Variants in PIEZO2 observed in about 807,000 individuals in gnomAD.
PIEZO2 encodes piezo type mechanosensitive ion channel component 2, also known as piezo-type mechanosensitive ion channel component 2.
In PIEZO2, 172 loss-of-function variants were observed where a neutral mutation model predicts 337.3. The ratio of observed to expected loss-of-function variants is 0.51; its 90% confidence interval spans 0.45 to 0.58. The LOEUF is 0.58. Ranked by LOEUF, PIEZO2 falls within the 20% of genes least tolerant of loss-of-function variation. The probability of loss-of-function intolerance (pLI) is 0.00; values close to 1 mark genes in which losing one functional copy is unlikely to be tolerated. For synonymous variants in PIEZO2, 1,251 were observed against 1,228.5 expected (o/e 1.02, Z -0.38); for missense variants, 3,028 against 3,391.3 (o/e 0.89, Z 2.66).
Position 11,149,205 on chromosome 18 carries a change from G to A in PIEZO2, c.-617C>T, listed in dbSNP as rs1343036147. Among the ~76,000 whole-genome samples, 2 of 152,066 alleles carry A rather than the reference G, an allele frequency of 1.3e-5. No homozygotes were observed. Among genetic ancestry groups the A allele is most frequent in the Admixed American group, 6.5e-5 (1 of 15,296 alleles). On this transcript the variant is annotated 5_prime_UTR_variant, in exon 1 of 56. Coordinates refer to ENST00000674853, the MANE Select transcript of PIEZO2 (RefSeq NM_001378183.1). The surrounding 1 kb of genome is among the most constrained non-coding windows in gnomAD (Gnocchi z 8.7). Reference sequence around the variant, plus strand: ...CCCAGGCGGCCCGCGGCGGATCCCCGAGAGGCAGCGCAGCTCAGCCCCTGC... The same window carrying A: ...CCCAGGCGGCCCGCGGCGGATCCCCAAGAGGCAGCGCAGCTCAGCCCCTGC...
In PIEZO2 at chr18:10,908,393, A is replaced by G. The variant is rs968272979; in HGVS notation, c.329+2793T>C. 2.6e-5 allele frequency: 4 copies of G among 152,284 alleles called. No individual in the cohort carries two copies. In the South Asian group the frequency reaches 8.3e-4, roughly 31 times the overall value. 9.4% of individuals were successfully genotyped at this position (152,284 alleles called of 1,614,324 possible). A position where few individuals can be genotyped will look rare whatever the true frequency, so the allele number is the denominator to read the frequency against. ...CAGGTTGATGGATGAACTTCAAAGA[A>G]GGACATAGTGATGAAAAGATCGATA... On this transcript the variant is annotated intron_variant, in intron 4 of 55. Transcript: ENST00000674853.
In PIEZO2 at chr18:11,097,053, T is replaced by A. The variant is rs1218025288; in HGVS notation, c.65-30831A>T. Among the ~76,000 whole-genome samples the A allele has an allele frequency of 1.3e-5, 2 of 152,218 alleles. No homozygotes were observed. Among genetic ancestry groups the A allele is most frequent in the African/African-American group, 4.8e-5 (2 of 41,456 alleles). On this transcript the variant is annotated intron_variant, in intron 1 of 55. Transcript: ENST00000674853. The surrounding 1 kb of genome is among the most constrained non-coding windows in gnomAD (Gnocchi z 5.0). ...AAATAGCTAATGAGTTAAGTCTGTC[T>A]CCAGTGTAGGACGATCTTTTGTATA...
At chr18:11,030,705 C>T (rs1476746905) in intron 2 of PIEZO2, among the ~76,000 whole-genome samples, 3 of 152,128 alleles carry the variant, frequency 2.0e-5, no homozygotes, top group Admixed American at 6.5e-5. Context: ...GTGCTGCCCA[C>T]TCTTAAGATT....
intron 43 of PIEZO2, 154 bp downstream of exon 43, chr18:10,701,835 T>TCTCTC (rs369825925): frequency 4.9e-6 from 2 of 410,288 alleles, no homozygotes; most frequent in Non-Finnish European, 7.7e-6. Context: ...TTTCTCTCTC[T>TCTCTC]TTTTTTTTTT....
Position 10,705,762 on chromosome 18 carries a change from G to T in PIEZO2, c.5589-16C>A. The stretch of plus-strand genomic sequence containing the variant: ...CGTGGGCTCGCTGTTGGGAGAAAGC[G>T]TGGGCACAGAGCCCATGTCTTAGCA... On this transcript the variant is annotated splice_polypyrimidine_tract_variant and intron_variant, in intron 40 of 55. Coordinates refer to ENST00000674853, the MANE Select transcript of PIEZO2 (RefSeq NM_001378183.1). 2 of 1,506,746 alleles carry T rather than the reference G, an allele frequency of 1.3e-6. No homozygotes were observed. The highest frequency in any genetic ancestry group is 1.8e-6 in the Non-Finnish European group (2 of 1,129,904). 93.3% of individuals were successfully genotyped at this position (1,506,746 alleles called of 1,614,324 possible). A position where few individuals can be genotyped will look rare whatever the true frequency, so the allele number is the denominator to read the frequency against.
chr18:10,705,984 C>A (rs2035570119), intron 40 of PIEZO2, among the ~76,000 whole-genome samples: 1 of 152,190 alleles, frequency 6.6e-6, no homozygotes, highest in Non-Finnish European at 1.5e-5. Flanking sequence ...CAGAGCCAGT[C>A]ACGTGGCTCT....
At chr18:10,944,390 A>T (rs559012756) in intron 3 of PIEZO2, among the ~76,000 whole-genome samples, 2 of 151,580 alleles carry the variant, frequency 1.3e-5, no homozygotes, top group East Asian at 3.9e-4. Context: ...ATCATCAGTT[A>T]TTGAATTGTA....
chr18:11,049,627 G>T (rs902487439), intron 2 of PIEZO2, among the ~76,000 whole-genome samples: 1 of 152,168 alleles, frequency 6.6e-6, no homozygotes, highest in African/African-American at 2.4e-5. Flanking sequence ...GGACGTGGTG[G>T]AAGGTAACTG....
rs1034839389 is a variant in PIEZO2 at position 10,744,170 on chromosome 18, T to C, written c.4486A>G (p.Lys1496Glu). ...CGCTTCAGCTGGTCCATGGACTTCTTCTCTTCCTCAATTCTTGCCTTTACA... is the reference window on the plus strand; with the variant it reads ...CGCTTCAGCTGGTCCATGGACTTCTCCTCTTCCTCAATTCTTGCCTTTACA... ...KAVKARIEEE[K>E]KSMDQLKRQM... Residue 1496 changes from lysine to glutamate, a missense_variant, in exon 31 of 56, where the codon AAG becomes GAG. Around this residue, in one of 5 missense-constraint regions of PIEZO2, gnomAD observed 1,925 missense variants for 2,051.9 expected, o/e 0.94. Transcript: ENST00000674853. 1.3e-6 allele frequency: 2 copies of C among 1,536,850 alleles called. No individual in the cohort carries two copies. Among genetic ancestry groups the C allele is most frequent in the African/African-American group, 1.4e-5 (1 of 73,026 alleles).
At chr18:10,904,593 G>A (rs2043129959) in intron 4 of PIEZO2, among the ~76,000 whole-genome samples, 1 of 152,196 alleles carries the variant, frequency 6.6e-6, no homozygotes. Context: ...TTCACACTGA[G>A]CAAATGCTTC....
chr18:10,748,423 C>A lies in PIEZO2; in HGVS notation c.4424+48G>T. 2 of 1,512,740 alleles carry A rather than the reference C, an allele frequency of 1.3e-6. No homozygotes were observed. The highest frequency in any genetic ancestry group is 1.2e-5 in the South Asian group (1 of 82,620). The allele number at this position is 1,512,740 out of a possible 1,614,324, so 93.7% of individuals were successfully genotyped here. A position where few individuals can be genotyped will look rare whatever the true frequency, so the allele number is the denominator to read the frequency against. ...CAGAAATGATAGTGCAATATTATTTCAGGCAAGTTTCCTGGGAGAAACCAC... is the reference window on the plus strand; with the variant it reads ...CAGAAATGATAGTGCAATATTATTTAAGGCAAGTTTCCTGGGAGAAACCAC... On this transcript the variant is annotated intron_variant, in intron 30 of 55. Coordinates refer to ENST00000674853, the MANE Select transcript of PIEZO2 (RefSeq NM_001378183.1). This position sits in a 1 kb window ranked among gnomAD's most constrained non-coding sequence, Gnocchi z 5.1.
Position 10,726,437 on chromosome 18 carries a change from C to T in PIEZO2, c.5029+4970G>A, listed in dbSNP as rs1567990301. On this transcript the variant is annotated intron_variant, in intron 36 of 55. Coordinates refer to ENST00000674853, the MANE Select transcript of PIEZO2 (RefSeq NM_001378183.1). This position sits in a 1 kb window ranked among gnomAD's most constrained non-coding sequence, Gnocchi z 5.9. Reference sequence around the variant, plus strand: ...ACAACGCGGAGGGCCGGCTGCGGTACGGGCTACGGCCGGCGAACCCCACGA... The same window carrying T: ...ACAACGCGGAGGGCCGGCTGCGGTATGGGCTACGGCCGGCGAACCCCACGA... 1.3e-6 allele frequency: 2 copies of T among 1,529,672 alleles called. No individual in the cohort carries two copies. Among genetic ancestry groups the T allele is most frequent in the Admixed American group, 2.0e-5 (1 of 50,472 alleles). 94.8% of individuals were successfully genotyped at this position (1,529,672 alleles called of 1,614,324 possible).
rs189552835 is a variant in PIEZO2 at position 10,834,236 on chromosome 18, C to T, written c.917+21117G>A. Among the ~76,000 whole-genome samples the T allele has an allele frequency of 6.6e-6, 1 of 152,282 alleles. No homozygotes were observed. Among genetic ancestry groups the T allele is most frequent in the East Asian group, 1.9e-4 (1 of 5,182 alleles). On this transcript the variant is annotated intron_variant, in intron 7 of 55. Coordinates refer to ENST00000674853, the MANE Select transcript of PIEZO2 (RefSeq NM_001378183.1). The surrounding 1 kb of genome is among the most constrained non-coding windows in gnomAD (Gnocchi z 4.5). ...AGTCATTCTGTTGTGCTGTCAAATACTTAGAGTCAGATTTGAATTCAAACT... is the reference window on the plus strand; with the variant it reads ...AGTCATTCTGTTGTGCTGTCAAATATTTAGAGTCAGATTTGAATTCAAACT...
intron 33 of PIEZO2, chr18:10,740,704 C>T (rs1384454208): frequency 4.3e-6 from 2 of 462,740 alleles, no homozygotes; most frequent in Non-Finnish European, 7.9e-6. Context: ...GTGAATAGGG[C>T]TCTCGACCTC....
intron 7 of PIEZO2, among the ~76,000 whole-genome samples, chr18:10,808,502 C>T (rs1488950785): frequency 1.3e-5 from 2 of 152,166 alleles, no homozygotes; most frequent in Non-Finnish European, 2.9e-5. Flanking sequence ...AGGGTGAATG[C>T]TGTTTTCTAT....
intron 4 of PIEZO2, among the ~76,000 whole-genome samples, chr18:10,881,610 C>T (rs1174021839): frequency 6.6e-6 from 1 of 152,156 alleles, no homozygotes; most frequent in Non-Finnish European, 1.5e-5. Flanking sequence ...ACAGTGGGAG[C>T]ATCAGATCAT....
In PIEZO2 at chr18:11,110,407, C is replaced by T. The variant is rs1219768839; in HGVS notation, c.64+38118G>A. On this transcript the variant is annotated intron_variant, in intron 1 of 55. Transcript: ENST00000674853. The surrounding 1 kb of genome is among the most constrained non-coding windows in gnomAD (Gnocchi z 4.2). Reference sequence around the variant, plus strand: ...CCCACCCTGGGAGTTGGGCCTCCCCCGCATTCTGGCTGACAGGGCTTCAGC... The same window carrying T: ...CCCACCCTGGGAGTTGGGCCTCCCCTGCATTCTGGCTGACAGGGCTTCAGC... 6.6e-6 allele frequency among the ~76,000 whole-genome samples: 1 copy of T among 152,230 alleles called. No homozygotes were observed. Among genetic ancestry groups the T allele is most frequent in the Non-Finnish European group, 1.5e-5 (1 of 68,048 alleles).
chr18:11,039,679 G>A (rs563762009), intron 2 of PIEZO2, among the ~76,000 whole-genome samples: 3 of 151,550 alleles, frequency 2.0e-5, no homozygotes, highest in Non-Finnish European at 4.4e-5. Flanking sequence ...TTGGTTGATT[G>A]GATGATTATA....
chr18:10,731,213 A>ATATATATATATATATATC, intron 36 of PIEZO2, among the ~76,000 whole-genome samples, 194 bp downstream of exon 36: 1 of 127,186 alleles, frequency 7.9e-6, no homozygotes, highest in African/African-American at 3.0e-5. Context: ...ATATATATAT[A>ATATATATATATATATATC]TATATCTCCT....
Sources: gnomAD v4.1 joint callset for allele counts (sites outside exome capture counted in the v4.1 genomes callset) on GRCh38, gnomAD v4.1.1 for gene constraint, gnomAD v4.1.1 regional missense constraint, Gnocchi (gnomAD v3.1) non-coding constraint, MANE v1.5 for transcripts, NCBI Gene and HGNC (gene_info 2026-07-23, HGNC 2026-07-21) for gene names.